Variants in AUTS2 observed in about 807,000 individuals in gnomAD.
The protein encoded by AUTS2 is autism susceptibility gene 2 protein.
A neutral mutation model predicts 112.4 loss-of-function variants in AUTS2; 17 were observed. The observed-to-expected ratio is 0.15, with a 90% CI of 0.10 to 0.23. AUTS2 has a LOEUF of 0.23. Ranked by LOEUF, AUTS2 falls within the 10% of genes least tolerant of loss-of-function variation. AUTS2 has a pLI of 1.00. For synonymous variants in AUTS2, 751 were observed against 702.7 expected (o/e 1.07, Z -1.09); for missense variants, 1,510 against 1,701.6 (o/e 0.89, Z 1.98).
intron 1 of AUTS2, among the ~76,000 whole-genome samples, chr7:69,826,353 C>T (rs948110316): frequency 1.4e-4 from 21 of 152,190 alleles, no homozygotes; most frequent in African/African-American, 4.8e-4. Context: ...AAGTGACCTG[C>T]CTAAGGTGAT....
intron 2 of AUTS2, among the ~76,000 whole-genome samples, chr7:70,102,018 G>A (rs543270945): frequency 7.3e-5 from 11 of 151,180 alleles, no homozygotes; most frequent in African/African-American, 2.2e-4. Flanking sequence ...TTACGTATTC[G>A]TTCAACCGTA....
At chr7:70,192,738 C>T (rs1260164359) in intron 4 of AUTS2, among the ~76,000 whole-genome samples, 1 of 152,156 alleles carries the variant, frequency 6.6e-6, no homozygotes, top group African/African-American at 2.4e-5. Context: ...TTGCAATGAT[C>T]TGAAAGCTAA....
intron 6 of AUTS2, among the ~76,000 whole-genome samples, chr7:70,718,658 G>T (rs577542129): frequency 6.6e-6 from 1 of 152,018 alleles, no homozygotes. Flanking sequence ...GTAAGACTCC[G>T]TCTCAAAAAC....
chr7:69,665,837 T>C (rs1796006937), intron 1 of AUTS2, among the ~76,000 whole-genome samples: 1 of 152,210 alleles, frequency 6.6e-6, no homozygotes, highest in South Asian at 2.1e-4. Flanking sequence ...AAATGCTTTA[T>C]TGGGCATGTT....
rs137928678 is a variant in AUTS2 at position 70,347,494 on chromosome 7, C to A, written c.661-88258C>A. 2.3e-3 allele frequency among the ~76,000 whole-genome samples: 345 copies of A among 152,224 alleles called. 6 individuals carry two copies. The East Asian group carries it at 0.045, about 20-fold the overall frequency. ...TTCCCAGTGTTTCAGGATGTTTTTT[C>A]TTTCTCCTCTGGCTTTTCTATTCTC... is the stretch of plus-strand genomic sequence containing the variant. On this transcript the variant is annotated intron_variant, in intron 4 of 18. Transcript: ENST00000342771.
At chr7:70,017,807 A>T (rs1800097209) in intron 2 of AUTS2, among the ~76,000 whole-genome samples, 1 of 149,252 alleles carries the variant, frequency 6.7e-6, no homozygotes, top group South Asian at 2.1e-4. Context: ...GTATATGTTT[A>T]TGTATATTTA....
chr7:70,256,348 A>G (rs1043566171), intron 4 of AUTS2, among the ~76,000 whole-genome samples: 5 of 152,212 alleles, frequency 3.3e-5, no homozygotes, highest in African/African-American at 1.2e-4. Context: ...TAAATGTTGC[A>G]CAGTGGGCCA....
intron 5 of AUTS2, among the ~76,000 whole-genome samples, chr7:70,494,909 T>C (rs1798390209): frequency 6.6e-6 from 1 of 152,088 alleles, no homozygotes; most frequent in South Asian, 2.1e-4. Context: ...TTCCTTACCC[T>C]CCAGAGTTAG....
intron 5 of AUTS2, among the ~76,000 whole-genome samples, chr7:70,645,698 G>A (rs1019403150): frequency 6.6e-6 from 1 of 152,148 alleles, no homozygotes; most frequent in African/African-American, 2.4e-5. Flanking sequence ...TAACTTGTAT[G>A]TGCATTTTGA....
chr7:70,101,512 C>T (rs1804494667), intron 2 of AUTS2, among the ~76,000 whole-genome samples: 1 of 151,834 alleles, frequency 6.6e-6, no homozygotes, highest in Non-Finnish European at 1.5e-5. Context: ...CTGAACAAAA[C>T]AGTGAAACAC....
intron 4 of AUTS2, among the ~76,000 whole-genome samples, chr7:70,370,297 C>G (rs535701589): frequency 6.6e-6 from 1 of 152,198 alleles, no homozygotes; most frequent in African/African-American, 2.4e-5. Flanking sequence ...AAAAGAAACC[C>G]TGCACTCCCT....
intron 2 of AUTS2, among the ~76,000 whole-genome samples, chr7:70,086,303 G>A (rs570884957): frequency 2.9e-4 from 44 of 152,068 alleles, no homozygotes; most frequent in Non-Finnish European, 5.7e-4. Flanking sequence ...CATAAACAAG[G>A]TGTGTTTCTT....
At chr7:70,585,012 G>A (rs1043192020) in intron 5 of AUTS2, among the ~76,000 whole-genome samples, 1 of 152,186 alleles carries the variant, frequency 6.6e-6, no homozygotes, top group Non-Finnish European at 1.5e-5. Context: ...TAACTCCTCT[G>A]ATATCCTTTC....
At chr7:70,750,546 A>G (rs948956662) in intron 6 of AUTS2, among the ~76,000 whole-genome samples, 4 of 151,746 alleles carry the variant, frequency 2.6e-5, no homozygotes, top group African/African-American at 7.3e-5. Context: ...GACTACAGGC[A>G]CACGCCACCA....
chr7:69,630,900 G>A (rs565300090), intron 1 of AUTS2, among the ~76,000 whole-genome samples: 1 of 151,606 alleles, frequency 6.6e-6, no homozygotes, highest in East Asian at 1.9e-4. Context: ...TGATAATATT[G>A]TATTTTCTAT....
At chr7:70,020,305 C>A (rs570874797) in intron 2 of AUTS2, among the ~76,000 whole-genome samples, 2 of 152,268 alleles carry the variant, frequency 1.3e-5, no homozygotes, top group South Asian at 4.1e-4. Flanking sequence ...CCACTCTCAC[C>A]TGCATCCCCA....
chr7:70,082,432 A>G (rs1371828198), intron 2 of AUTS2, among the ~76,000 whole-genome samples: 3 of 152,146 alleles, frequency 2.0e-5, no homozygotes, highest in South Asian at 2.1e-4. Context: ...TTACTTGTGC[A>G]TATGTTTTTT....
At chr7:70,573,675 G>A (rs181720416) in intron 5 of AUTS2, among the ~76,000 whole-genome samples, 47 of 152,230 alleles carry the variant, frequency 3.1e-4, no homozygotes, top group Admixed American at 2.6e-3. Context: ...TAGAGCATTC[G>A]CTTTGCTGCA....
In AUTS2 at chr7:70,791,270, G is replaced by T; in HGVS notation, c.*274G>T. ...TTTTGATTTGAACCAAAACAGTGAAGATGACAACACACACCAATTGGATGA... is the reference window on the plus strand; with the variant it reads ...TTTTGATTTGAACCAAAACAGTGAATATGACAACACACACCAATTGGATGA... On this transcript the variant is annotated 3_prime_UTR_variant, in exon 19 of 19. Coordinates refer to ENST00000342771, the MANE Select transcript of AUTS2 (RefSeq NM_015570.4). 2 of 201,080 alleles carry T rather than the reference G, an allele frequency of 9.9e-6. No homozygotes were observed. The highest frequency in any genetic ancestry group is 1.9e-5 in the Non-Finnish European group (2 of 104,508). The allele number at this position is 201,080 out of a possible 1,614,324, so 12.5% of individuals were successfully genotyped here. A position where few individuals can be genotyped will look rare whatever the true frequency, so the allele number is the denominator to read the frequency against.
Sources: allele counts gnomAD v4.1 joint callset (sites outside exome capture counted in the v4.1 genomes callset), GRCh38; gene constraint gnomAD v4.1.1; transcripts MANE v1.5; gene names NCBI Gene and HGNC (gene_info 2026-07-23, HGNC 2026-07-21).